KCNG4: variants seen among roughly 807,000 people sequenced by gnomAD.
KCNG4 encodes potassium voltage-gated channel modifier subfamily G member 4.
A neutral mutation model predicts 28.2 loss-of-function variants in KCNG4; 30 were observed. That is an observed-to-expected ratio of 1.06 (90% confidence interval 0.80 to 1.44). The LOEUF is 1.44. KCNG4 is among the 40% of genes most tolerant of loss of function. The pLI, the probability that KCNG4 is intolerant of heterozygous loss-of-function variation, is 0.00. For synonymous variants in KCNG4, 375 were observed against 315.5 expected (o/e 1.19, Z -2.00); for missense variants, 879 against 712.3 (o/e 1.23, Z -2.66).
In KCNG4 at chr16:84,237,220, C is replaced by T; in HGVS notation, c.266G>A (p.Arg89Lys). Residue 89 changes from arginine (R) to lysine (K), a missense_variant, in exon 2 of 3, where the codon AGG becomes AAG. Arg to Lys is a conservative substitution (Grantham distance 26). Transcript: ENST00000308251. The stretch of plus-strand genomic sequence containing the variant: ...GATCTCCTCGTAGCTCCGACAGAGC[C>T]TGAGTTTGCTCAGGCGGCTCAGCGG... ...RFPLSRLSKLRLCRSYEEIVQ... is the reference protein window; with the variant it reads ...RFPLSRLSKLKLCRSYEEIVQ... 6.2e-7 allele frequency: 1 copy of T among 1,614,122 alleles called. No individual in the cohort carries two copies. Among genetic ancestry groups the T allele is most frequent in the Non-Finnish European group, 8.5e-7 (1 of 1,180,026 alleles).
chr16:84,232,192 G>C (rs1006080792), intron 2 of KCNG4, among the ~76,000 whole-genome samples: 1 of 152,126 alleles, frequency 6.6e-6, no homozygotes, highest in Non-Finnish European at 1.5e-5. Flanking sequence ...CAGGCCATCA[G>C]TGCTAGATGG....
rs1904959200 is a variant in KCNG4 at position 84,236,710 on chromosome 16, T to C, written c.756+20A>G. ...GCACCCTGCGGGATGGAGCCGTGAA[T>C]GCCATCAGAGGCCGCTCACCTGGTC... On this transcript the variant is annotated intron_variant, in intron 2 of 2. Coordinates refer to ENST00000308251, the MANE Select transcript of KCNG4 (RefSeq NM_172347.3). The C allele has an allele frequency of 1.9e-6, 3 of 1,592,106 alleles. No individual in the cohort carries two copies. Among genetic ancestry groups the C allele is most frequent in the Non-Finnish European group, 2.6e-6 (3 of 1,166,548 alleles).
Position 84,237,339 on chromosome 16 carries a change from G to C in KCNG4, c.147C>G (p.Ala49=), listed in dbSNP as rs775095382. Residue 49 remains alanine, a synonymous_variant, in exon 2 of 3, where the codon GCC becomes GCG. Coordinates refer to ENST00000308251, the MANE Select transcript of KCNG4 (RefSeq NM_172347.3). ...TCAGGTCCACTGGGGAGGCGTCCAG[G>C]GCACCCACCTTCCGCACCCTCCGGT... ...LYYRRVRKVG[A]LDASPVDLKK... is the part of the protein sequence containing the mutation. 5 of 1,576,480 alleles carry C rather than the reference G, an allele frequency of 3.2e-6. No homozygotes were observed. In the South Asian group the frequency reaches 5.9e-5, roughly 19 times the overall value.
intron 2 of KCNG4, among the ~76,000 whole-genome samples, chr16:84,234,296 C>G (rs1904891947): frequency 1.3e-5 from 2 of 152,192 alleles, no homozygotes; most frequent in Admixed American, 6.5e-5. Context: ...CCTCAGCCTC[C>G]CAAGTAGCTG....
In KCNG4 at chr16:84,220,127, A is replaced by C. The variant is rs1048656796; in HGVS notation, c.*2090T>G. Reference sequence around the variant, plus strand: ...CTGGAACAGAAACACTTCTATGGCTACTGTCCAAGGTGCCTGTGACATGGA... The same window carrying C: ...CTGGAACAGAAACACTTCTATGGCTCCTGTCCAAGGTGCCTGTGACATGGA... On this transcript the variant is annotated 3_prime_UTR_variant, in exon 3 of 3. Transcript: ENST00000308251. 1 of 152,202 alleles carries C rather than the reference A, an allele frequency of 6.6e-6. No individual in the cohort carries two copies. Among genetic ancestry groups the C allele is most frequent in the Non-Finnish European group, 1.5e-5 (1 of 68,050 alleles). The allele number at this position is 152,202 out of a possible 1,614,324, so 9.4% of individuals were successfully genotyped here.
chr16:84,234,130 G>T (rs563997769), intron 2 of KCNG4, among the ~76,000 whole-genome samples: 7 of 152,258 alleles, frequency 4.6e-5, no homozygotes, highest in Admixed American at 1.3e-4. Flanking sequence ...GAAGAGCTCA[G>T]GTGCTGGCTT....
At position 84,237,008 on chromosome 16, in the gene KCNG4, A is replaced by G. The variant is rs772451615; in HGVS notation, c.478T>C (p.Cys160Arg). 2.5e-6 allele frequency: 4 copies of G among 1,613,678 alleles called. No individual in the cohort carries two copies. The highest frequency in any genetic ancestry group is 2.5e-6 in the Non-Finnish European group (3 of 1,179,954). The change falls in exon 2 of 3, where the codon TGC becomes CGC. Residue 160 changes from cysteine to arginine, a missense_variant. Cys to Arg is a radical substitution (Grantham distance 180). Transcript: ENST00000308251. ...TTCCTCAGCAGCTTCCGCAGGCAGC[A>G]CCTCTCCAGGTGGGCCTCCTCGATG... is the stretch of plus-strand genomic sequence containing the variant. The part of the protein sequence containing the change: ...WGIEEAHLER[C>R]CLRKLLRKLE...
rs187560123 is a variant in KCNG4, at chr16:84,226,175, G to A, written c.757-3155C>T. Among the ~76,000 whole-genome samples, 1 of 152,200 alleles carries A rather than the reference G, an allele frequency of 6.6e-6. No individual in the cohort carries two copies. Among genetic ancestry groups the A allele is most frequent in the Admixed American group, 6.5e-5 (1 of 15,278 alleles). ...TGGCTCCTTCCTGCAATGAAGAAGA[G>A]CAAGCGTCAGCCTGGAGAAGGCCCA... On this transcript the variant is annotated intron_variant, in intron 2 of 2. Transcript: ENST00000308251. This position sits in a 1 kb window ranked among gnomAD's most constrained non-coding sequence, Gnocchi z 4.1.
At chr16:84,225,026 G>A (rs557463268) in intron 2 of KCNG4, among the ~76,000 whole-genome samples, 1 of 152,260 alleles carries the variant, frequency 6.6e-6, no homozygotes, top group Non-Finnish European at 1.5e-5. Context: ...CATGATGAAT[G>A]GAAATTATGC....
Position 84,222,826 on chromosome 16 carries a change from CG to C in KCNG4, c.950del (p.Pro317ArgfsTer31). ...YVSLAVSEEP[P>X]EDGERPSGSS... ...TCCCGCTCGGCCTCTCGCCGTCCTC[CG>C]GGGGCTCCTCAGACACCGCCAGCGA... is the stretch of plus-strand genomic sequence containing the variant. On this transcript the variant is annotated frameshift_variant, in exon 3 of 3. Transcript: ENST00000308251. LOFTEE classifies it high-confidence loss of function. 1 of 1,610,208 alleles carries C rather than the reference CG, an allele frequency of 6.2e-7. No homozygotes were observed. The highest frequency in any genetic ancestry group is 1.3e-5 in the African/African-American group (1 of 74,984).
intron 2 of KCNG4, among the ~76,000 whole-genome samples, chr16:84,228,537 C>G (rs985693374): frequency 6.6e-6 from 1 of 152,114 alleles, no homozygotes; most frequent in Non-Finnish European, 1.5e-5. Flanking sequence ...TCCTTTACTC[C>G]GCTCCCATGG....
Position 84,222,668 on chromosome 16 carries a change from T to C in KCNG4, c.1109A>G (p.Glu370Gly), listed in dbSNP as rs1404475402. ...CAGGAAGAGAAGGAGCAGGCCGAAC[T>C]CACGTGTGCAACGGCGCACGGTGAG... Reference protein sequence around the residue: ...LGLTVRRCTREFGLLLLFLAV... With the variant: ...LGLTVRRCTRGFGLLLLFLAV... The change falls in exon 3 of 3, where the codon GAG (glutamate) becomes GGG (glycine). Residue 370 changes from glutamate (E) to glycine (G), a missense_variant. Glu to Gly is a moderately conservative substitution (Grantham distance 98, BLOSUM62 -2). Coordinates refer to ENST00000308251, the MANE Select transcript of KCNG4 (RefSeq NM_172347.3). The C allele has an allele frequency of 6.2e-7, 1 of 1,613,136 alleles. No homozygotes were observed. The highest frequency in any genetic ancestry group is 1.7e-5 in the Admixed American group (1 of 59,958).
rs769272559 is a variant in KCNG4, at chr16:84,222,768, G to T, written c.1009C>A (p.Arg337Ser). ...SYLEKVGLVLRVLRALRILYV... is the reference protein window; with the variant it reads ...SYLEKVGLVLSVLRALRILYV... ...AGGATGCGCAGCGCTCGCAGCACAC[G>T]CAGGACCAGCCCCACCTTCTCCAGG... Residue 337 changes from arginine (R) to serine (S), a missense_variant, in exon 3 of 3, where the codon CGT becomes AGT. Arg to Ser is a moderately radical substitution (Grantham distance 110, BLOSUM62 -1). Coordinates refer to ENST00000308251, the MANE Select transcript of KCNG4 (RefSeq NM_172347.3). 1.2e-6 allele frequency: 2 copies of T among 1,611,562 alleles called. No homozygotes were observed. Among genetic ancestry groups the T allele is most frequent in the East Asian group, 2.2e-5 (1 of 44,726 alleles).
At chr16:84,237,645 G>T in intron 1 of KCNG4, 120 bp from the exon 2 acceptor site, 1 of 579,100 alleles carries the variant, frequency 1.7e-6, no homozygotes, top group Non-Finnish European at 2.7e-6. Context: ...GCATCTGCAT[G>T]GCTTGTTCTT....
Position 84,222,119 on chromosome 16 carries a change from C to G in KCNG4, c.*98G>C, listed in dbSNP as rs1408150091. The G allele has an allele frequency of 2.4e-6, 3 of 1,274,978 alleles. No homozygotes were observed. Among genetic ancestry groups the G allele is most frequent in the Non-Finnish European group, 3.3e-6 (3 of 896,444 alleles). 79.0% of individuals were successfully genotyped at this position (1,274,978 alleles called of 1,614,324 possible). A position where few individuals can be genotyped will look rare whatever the true frequency, so the allele number is the denominator to read the frequency against. Reference sequence around the variant, plus strand: ...CAGCTTTGAAAGTCTTCCCTGGGCTCTAGAAACACCACCAGGTGGTCTATG... The same window carrying G: ...CAGCTTTGAAAGTCTTCCCTGGGCTGTAGAAACACCACCAGGTGGTCTATG... On this transcript the variant is annotated 3_prime_UTR_variant, in exon 3 of 3. Coordinates refer to ENST00000308251, the MANE Select transcript of KCNG4 (RefSeq NM_172347.3).
Position 84,219,236 on chromosome 16 carries a change from T to G in KCNG4, c.*2981A>C, listed in dbSNP as rs1439586973. 6.6e-6 allele frequency: 1 copy of G among 152,286 alleles called. No homozygotes were observed. Among genetic ancestry groups the G allele is most frequent in the Admixed American group, 6.5e-5 (1 of 15,292 alleles). 9.4% of individuals were successfully genotyped at this position (152,286 alleles called of 1,614,324 possible). On this transcript the variant is annotated 3_prime_UTR_variant, in exon 3 of 3. Coordinates refer to ENST00000308251, the MANE Select transcript of KCNG4 (RefSeq NM_172347.3). The stretch of plus-strand genomic sequence containing the variant: ...TCCGCAGGACAGTCCCTGAGCTTGC[T>G]TTGTGGAACCCAGGTCAGAAAACCA...
At position 84,236,865 on chromosome 16, in the gene KCNG4, C is replaced by G. The variant is rs748988780; in HGVS notation, c.621G>C (p.Leu207=). The G allele has an allele frequency of 7.4e-6, 12 of 1,613,592 alleles. No individual in the cohort carries two copies. The South Asian group carries it at 9.9e-5, about 13-fold the overall frequency. Residue 207 remains leucine, a synonymous_variant, in exon 2 of 3, where the codon CTG becomes CTC. Transcript: ENST00000308251. ...ACTGCGGGTTTTCCACCATCTCGCG[C>G]AGCCGGTTCATGCACAGGCCCCAGC... The part of the protein sequence containing the change: ...SSRWGLCMNR[L]REMVENPQSG...
intron 2 of KCNG4, among the ~76,000 whole-genome samples, chr16:84,225,013 T>C (rs1192014560): frequency 1.3e-5 from 2 of 152,208 alleles, no homozygotes; most frequent in African/African-American, 4.8e-5. Flanking sequence ...TCTGGAGGGC[T>C]GTCATGATGA....
At position 84,222,991 on chromosome 16, in the gene KCNG4, A is replaced by G; in HGVS notation, c.786T>C (p.Ile262=). The G allele has an allele frequency of 6.5e-7, 1 of 1,539,296 alleles. No homozygotes were observed. Among genetic ancestry groups the G allele is most frequent in the South Asian group, 1.3e-5 (1 of 79,402 alleles). ...QGECSRKCYY[I]FIVETICVAW... is the part of the protein sequence containing the mutation. ...CCACGCAGATGGTCTCCACGATGAA[A>G]ATATAGTAGCACTTCCGAGAGCATT... The change falls in exon 3 of 3, where the codon ATT becomes ATC. Residue 262 remains isoleucine, a synonymous_variant. Transcript: ENST00000308251.
Sources: allele counts gnomAD v4.1 joint callset (sites outside exome capture counted in the v4.1 genomes callset), GRCh38; gene constraint gnomAD v4.1.1; non-coding constraint Gnocchi (gnomAD v3.1); transcripts MANE v1.5; gene names NCBI Gene and HGNC (gene_info 2026-07-23, HGNC 2026-07-21).